The following PI4KA variants were observed in gnomAD, a reference collection of about 807,000 sequenced individuals.
PI4KA encodes PI4-kinase alpha.
PI4KA carries 122 observed loss-of-function variants against 271.4 expected under a neutral mutation model. The observed-to-expected ratio is 0.45, with a 90% CI of 0.39 to 0.52. PI4KA has a LOEUF of 0.52. PI4KA is among the 20% of genes least tolerant of loss of function. PI4KA has a pLI of 0.00. For synonymous variants in PI4KA, 1,041 were observed against 1,078.8 expected (o/e 0.96, Z 0.69); for missense variants, 1,969 against 2,769.1 (o/e 0.71, Z 6.48).
intron 12 of PI4KA, among the ~76,000 whole-genome samples, chr22:20,803,592 A>G (rs749058733): frequency 5.9e-5 from 9 of 152,218 alleles, no homozygotes; most frequent in Non-Finnish European, 1.2e-4. Context: ...TGGCACGATC[A>G]TGGCTTACTG....
intron 6 of PI4KA, among the ~76,000 whole-genome samples, chr22:20,819,120 T>A (rs1018288880): frequency 6.6e-6 from 1 of 152,236 alleles, no homozygotes; most frequent in South Asian, 2.1e-4. Flanking sequence ...AAGAAGCAGA[T>A]GTTTAGGGCG....
intron 3 of PI4KA, among the ~76,000 whole-genome samples, chr22:20,828,262 T>C (rs932039637): frequency 6.6e-6 from 1 of 152,192 alleles, no homozygotes; most frequent in African/African-American, 2.4e-5. Flanking sequence ...GGGCAGAGAC[T>C]ATAGGGTTTT....
At chr22:20,809,404 C>A (rs2147641613) in intron 9 of PI4KA, among the ~76,000 whole-genome samples, 2 of 151,046 alleles carry the variant, frequency 1.3e-5, no homozygotes, top group Middle Eastern at 3.5e-3. Context: ...TAATATATTG[C>A]AGACTCTAGG....
At chr22:20,770,278 T>G (rs1351975702) in intron 19 of PI4KA, among the ~76,000 whole-genome samples, 1 of 151,078 alleles carries the variant, frequency 6.6e-6, no homozygotes, top group African/African-American at 2.4e-5. Flanking sequence ...TTTGGGAGGC[T>G]GAGGCGGGCA....
chr22:20,782,078 T>C (rs1933846015), intron 19 of PI4KA, among the ~76,000 whole-genome samples: 2 of 152,220 alleles, frequency 1.3e-5, no homozygotes, highest in Admixed American at 6.5e-5. Flanking sequence ...TAACCTATGT[T>C]TAGGACTGAC....
Position 20,819,817 on chromosome 22 carries a change from G to A in PI4KA, c.613C>T (p.Leu205Phe), listed in dbSNP as rs1569070876. Residue 205 changes from leucine to phenylalanine, a missense_variant, in exon 6 of 55, where the codon CTC becomes TTC. Coordinates refer to ENST00000255882, the MANE Select transcript of PI4KA (RefSeq NM_058004.4). ...GGGATTTTGGGAAAGAGCTTTGAGA[G>A]GAGAGACTCTTCCATGTTGCTGTAA... ...GRYSNMEESL[L>F]SKLFPKIPPH... is the part of the protein sequence containing the mutation. 2 of 1,614,060 alleles carry A rather than the reference G, an allele frequency of 1.2e-6. No homozygotes were observed. The highest frequency in any genetic ancestry group is 1.7e-6 in the Non-Finnish European group (2 of 1,179,876).
intron 9 of PI4KA, among the ~76,000 whole-genome samples, chr22:20,808,594 A>G (rs1935812498): frequency 6.6e-6 from 1 of 151,764 alleles, no homozygotes; most frequent in Admixed American, 6.6e-5. Flanking sequence ...CGTCTCAAAA[A>G]AAAAAAAAAA....
intron 3 of PI4KA, among the ~76,000 whole-genome samples, chr22:20,831,075 T>C (rs1010700439): frequency 1.3e-5 from 2 of 152,104 alleles, no homozygotes; most frequent in African/African-American, 4.8e-5. Flanking sequence ...GCCCAGCCCT[T>C]AGGTGTGTTT....
rs1400850943 is a variant in PI4KA at position 20,734,412 on chromosome 22, G to C, written c.3883C>G (p.His1295Asp). 1.9e-6 allele frequency: 3 copies of C among 1,590,558 alleles called. No individual in the cohort carries two copies. The highest frequency in any genetic ancestry group is 2.6e-6 in the Non-Finnish European group (3 of 1,160,484). Residue 1295 changes from histidine (H) to aspartate (D), a missense_variant, in exon 33 of 55, where the codon CAC becomes GAC. Physicochemically the swap from His to Asp is moderately conservative, Grantham distance 81. Transcript: ENST00000255882. ...PKPCPPEVTPHYIWIDFLVQR... is the reference protein window; with the variant it reads ...PKPCPPEVTPDYIWIDFLVQR... ...GCACGTACGTCGATCCAGATGTAGT[G>C]GGGGGTCACTTCGGGGGGACAGGGT... is the stretch of plus-strand genomic sequence containing the variant.
chr22:20,801,961 C>A lies in PI4KA; in HGVS notation c.1724+12G>T. On this transcript the variant is annotated intron_variant, in intron 14 of 54. Coordinates refer to ENST00000255882, the MANE Select transcript of PI4KA (RefSeq NM_058004.4). The stretch of plus-strand genomic sequence containing the variant: ...GCACTGCTGTCTACTCGCCACTTGC[C>A]CAGCTTCCCACCTGCAGATGTTGTC... 1 of 1,613,564 alleles carries A rather than the reference C, an allele frequency of 6.2e-7. No homozygotes were observed. The highest frequency in any genetic ancestry group is 8.5e-7 in the Non-Finnish European group (1 of 1,179,732).
Position 20,807,410 on chromosome 22 carries a change from A to G in PI4KA, c.1120T>C (p.Tyr374His). ...LYYTSFSDPL[Y>H]LTMFKMLRDT... ...CGCAGCATCTTGAACATGGTCAGGT[A>G]GAGAGGGTCACTGAAGGAAGTGTAG... The change falls in exon 10 of 55, where the codon TAC becomes CAC. Residue 374 changes from tyrosine to histidine, a missense_variant. This residue lies in a region of PI4KA where 540 missense variants were observed against 555.5 expected (regional missense o/e 0.97). Transcript: ENST00000255882. 1 of 1,613,578 alleles carries G rather than the reference A, an allele frequency of 6.2e-7. No homozygotes were observed. Among genetic ancestry groups the G allele is most frequent in the Non-Finnish European group, 8.5e-7 (1 of 1,179,488 alleles).
chr22:20,761,276 C>G, intron 23 of PI4KA, 28 bp downstream of exon 23: 1 of 1,333,734 alleles, frequency 7.5e-7, no homozygotes, highest in South Asian at 1.2e-5. Flanking sequence ...CTCAATTCAT[C>G]ATGAAAGCAC....
chr22:20,828,309 G>A (rs904178346), intron 3 of PI4KA, among the ~76,000 whole-genome samples: 4 of 152,044 alleles, frequency 2.6e-5, no homozygotes, highest in African/African-American at 7.3e-5. Context: ...AAAAGAGATC[G>A]TTTGACTTCC....
chr22:20,727,725 G>A lies in PI4KA; in HGVS notation c.4773+49C>T, dbSNP rs200890493. ...TTTCAGGCATTTCTGGGTGCAGTGT[G>A]CTATTTTGTGCAGTTTGAACTCAGG... On this transcript the variant is annotated intron_variant, in intron 40 of 54. Coordinates refer to ENST00000255882, the MANE Select transcript of PI4KA (RefSeq NM_058004.4). The A allele has an allele frequency of 2.2e-6, 3 of 1,371,294 alleles. No individual in the cohort carries two copies. The African/African-American group carries it at 4.3e-5, about 20-fold the overall frequency. The allele number at this position is 1,371,294 out of a possible 1,614,324, so 84.9% of individuals were successfully genotyped here. A position where few individuals can be genotyped will look rare whatever the true frequency, so the allele number is the denominator to read the frequency against.
At position 20,717,989 on chromosome 22, in the gene PI4KA, C is replaced by T. The variant is rs569482637; in HGVS notation, c.5247-211G>A. 1.4e-5 allele frequency: 8 copies of T among 578,158 alleles called. No individual in the cohort carries two copies. The Admixed American group carries it at 1.9e-4, about 13-fold the overall frequency. 35.8% of individuals were successfully genotyped at this position (578,158 alleles called of 1,614,324 possible). ...CAGCCCCGGAAGGGCTGTTTTCTGG[C>T]AGGCTCTGCCCCTGCTGTGTGCGGG... On this transcript the variant is annotated intron_variant, in intron 44 of 54. Coordinates refer to ENST00000255882, the MANE Select transcript of PI4KA (RefSeq NM_058004.4).
intron 3 of PI4KA, among the ~76,000 whole-genome samples, chr22:20,833,639 T>G (rs1172513280): frequency 6.7e-6 from 1 of 149,662 alleles, no homozygotes; most frequent in Non-Finnish European, 1.5e-5. Flanking sequence ...TTGCCCAGAC[T>G]AGTTTTGGTT....
intron 32 of PI4KA, among the ~76,000 whole-genome samples, chr22:20,735,777 G>T (rs1230539423): frequency 1.3e-5 from 2 of 152,222 alleles, no homozygotes; most frequent in East Asian, 1.9e-4. Context: ...GCTGCCCATG[G>T]GGTGAGGACT....
chr22:20,752,076 G>A (rs1483182288), intron 25 of PI4KA, among the ~76,000 whole-genome samples: 3 of 152,214 alleles, frequency 2.0e-5, no homozygotes, highest in Non-Finnish European at 4.4e-5. Flanking sequence ...TCTGACCAGG[G>A]TTCTCCATTA....
At chr22:20,781,265 AG>A (rs1319912473) in intron 19 of PI4KA, among the ~76,000 whole-genome samples, 2 of 152,232 alleles carry the variant, frequency 1.3e-5, no homozygotes, top group Non-Finnish European at 2.9e-5. Context: ...CCAGACCAGA[AG>A]AAACCTCTAC....
Sources: gnomAD v4.1 joint callset for allele counts (sites outside exome capture counted in the v4.1 genomes callset) on GRCh38, gnomAD v4.1.1 for gene constraint, gnomAD v4.1.1 regional missense constraint, MANE v1.5 for transcripts, NCBI Gene and HGNC (gene_info 2026-07-23, HGNC 2026-07-21) for gene names.